Variants in ZNF407 observed in about 807,000 individuals in gnomAD.
The protein encoded by ZNF407 is zinc finger protein 407.
A neutral mutation model predicts 131.2 loss-of-function variants in ZNF407; 17 were observed. The ratio of observed to expected loss-of-function variants is 0.13; its 90% CI spans 0.09 to 0.19. The LOEUF is 0.19. Among genes scored for constraint, ZNF407 ranks in the 10% least tolerant of loss-of-function variants. ZNF407 has a pLI of 1.00. For synonymous variants in ZNF407, 1,156 were observed against 1,062.0 expected (o/e 1.09, Z -1.72); for missense variants, 2,681 against 2,830.6 (o/e 0.95, Z 1.20).
At chr18:74,604,883 CCCATCA>C (rs1982734970) in intron 1 of ZNF407, among the ~76,000 whole-genome samples, 2 of 152,068 alleles carry the variant, frequency 1.3e-5, no homozygotes, top group African/African-American at 4.8e-5. Context: ...GCATGGTGTC[CCCATCA>C]GATATTTATA....
In ZNF407 at chr18:74,920,647, C is replaced by G. The variant is rs780860922; in HGVS notation, c.5383C>G (p.Gln1795Glu). 2 of 1,610,270 alleles carry G rather than the reference C, an allele frequency of 1.2e-6. No individual in the cohort carries two copies. Among genetic ancestry groups the G allele is most frequent in the Non-Finnish European group, 1.7e-6 (2 of 1,176,836 alleles). The change falls in exon 8 of 9, where the codon CAG (glutamine) becomes GAG (glutamate). Residue 1795 changes from glutamine (Q) to glutamate (E), a missense_variant. Coordinates refer to ENST00000299687, the MANE Select transcript of ZNF407 (RefSeq NM_017757.3). ...GGAGTTCCGGAACCATTTGAAGGAACAGCATCCTGACATCGAAAACCCGGA... is the reference window on the plus strand; with the variant it reads ...GGAGTTCCGGAACCATTTGAAGGAAGAGCATCCTGACATCGAAAACCCGGA... ...PVEFRNHLKE[Q>E]HPDIENPDLA...
At chr18:74,869,069 G>A (rs1971051984) in intron 4 of ZNF407, among the ~76,000 whole-genome samples, 1 of 152,186 alleles carries the variant, frequency 6.6e-6, no homozygotes, top group African/African-American at 2.4e-5. Context: ...TCCAAAGATT[G>A]AAATTAAGGC....
At chr18:74,705,733 AAAC>A (rs1180831888) in intron 3 of ZNF407, among the ~76,000 whole-genome samples, 4 of 152,190 alleles carry the variant, frequency 2.6e-5, no homozygotes, top group Non-Finnish European at 1.5e-5. Flanking sequence ...TGTAAATAGA[AAAC>A]AAATACTGGA....
At chr18:74,870,143 T>C (rs1453583250) in intron 4 of ZNF407, among the ~76,000 whole-genome samples, 2 of 152,204 alleles carry the variant, frequency 1.3e-5, no homozygotes, top group Non-Finnish European at 2.9e-5. Context: ...TGCTTAATGC[T>C]CCTCCCAGAA....
chr18:74,813,793 T>C (rs1970231845), intron 4 of ZNF407, among the ~76,000 whole-genome samples: 1 of 152,198 alleles, frequency 6.6e-6, no homozygotes, highest in Non-Finnish European at 1.5e-5. Context: ...GTGGTTGTAA[T>C]TAATGCCCCC....
chr18:74,620,527 A>G (rs1983468428), intron 1 of ZNF407, among the ~76,000 whole-genome samples: 1 of 44,682 alleles, frequency 2.2e-5, no homozygotes, highest in Non-Finnish European at 6.2e-5. Context: ...TGTTTGAAAT[A>G]TAACATGTGT....
chr18:75,047,943 A>G (rs1245069732), intron 8 of ZNF407, among the ~76,000 whole-genome samples: 3 of 152,244 alleles, frequency 2.0e-5, no homozygotes, highest in African/African-American at 7.2e-5. Context: ...AGGTAAACAC[A>G]TGAATGTCTG....
At chr18:74,879,853 G>A (rs527803218) in intron 5 of ZNF407, among the ~76,000 whole-genome samples, 2 of 152,242 alleles carry the variant, frequency 1.3e-5, no homozygotes, top group Admixed American at 1.3e-4. Context: ...ATAAAGGGAA[G>A]ACTCTTTTGA....
intron 3 of ZNF407, among the ~76,000 whole-genome samples, chr18:74,659,957 C>A (rs1985641709): frequency 6.6e-6 from 1 of 151,962 alleles, no homozygotes; most frequent in South Asian, 2.1e-4. Flanking sequence ...TTTGTCAGGA[C>A]ACCGGGCAAA....
intron 4 of ZNF407, among the ~76,000 whole-genome samples, chr18:74,843,322 C>T (rs189044361): frequency 2.7e-3 from 415 of 151,988 alleles, no homozygotes; most frequent in Non-Finnish European, 3.9e-3. Context: ...ATTTCTAGAT[C>T]GTTTATATTT....
At chr18:74,851,153 T>C (rs1377070554) in intron 4 of ZNF407, among the ~76,000 whole-genome samples, 6 of 152,234 alleles carry the variant, frequency 3.9e-5, no homozygotes, top group Non-Finnish European at 2.9e-5. Context: ...AGCAGTGATA[T>C]CGTAATAGGA....
chr18:74,699,204 C>T (rs1378332131), intron 3 of ZNF407, among the ~76,000 whole-genome samples: 2 of 152,160 alleles, frequency 1.3e-5, no homozygotes, highest in African/African-American at 4.8e-5. Flanking sequence ...TATTTCATTG[C>T]AAAGATAAGA....
chr18:74,615,995 C>A (rs374782498), intron 1 of ZNF407, among the ~76,000 whole-genome samples: 4 of 152,064 alleles, frequency 2.6e-5, no homozygotes, highest in African/African-American at 9.7e-5. Context: ...TCCCTAGTAG[C>A]TGGGATTACA....
rs1973674886 is a variant in ZNF407, at chr18:75,063,908, T to C, written c.6187T>C (p.Ser2063Pro). 1 of 1,613,280 alleles carries C rather than the reference T, an allele frequency of 6.2e-7. No homozygotes were observed. Among genetic ancestry groups the C allele is most frequent in the African/African-American group, 1.3e-5 (1 of 74,848 alleles). The change falls in exon 9 of 9, where the codon TCA (serine) becomes CCA (proline). Residue 2063 changes from serine to proline, a missense_variant. Ser to Pro is a moderately conservative substitution (Grantham distance 74). This residue lies in a region of ZNF407 where 620 missense variants were observed against 583.1 expected (regional missense o/e 1.06). Transcript: ENST00000299687. This position sits in a 1 kb window ranked among gnomAD's most constrained non-coding sequence, Gnocchi z 6.6. ...GGTGCTCACCCAGGTGGTCCATCCCTCAGCAGCCATGGCCTCTCAGGAGCG... is the reference window on the plus strand; with the variant it reads ...GGTGCTCACCCAGGTGGTCCATCCCCCAGCAGCCATGGCCTCTCAGGAGCG... ...VEVLTQVVHP[S>P]AAMASQERAQ...
At chr18:75,060,430 G>A (rs373341749) in intron 8 of ZNF407, 1 of 152,130 alleles carries the variant, frequency 6.6e-6, no homozygotes, top group African/African-American at 2.4e-5. Context: ...GACGCAGAGC[G>A]AGTACACAGG....
At chr18:75,023,326 T>G (rs1258123671) in intron 8 of ZNF407, among the ~76,000 whole-genome samples, 1 of 152,176 alleles carries the variant, frequency 6.6e-6, no homozygotes, top group Admixed American at 6.5e-5. Flanking sequence ...TGTCATATAT[T>G]AATAAAAAGC....
intron 4 of ZNF407, among the ~76,000 whole-genome samples, chr18:74,806,683 A>G (rs1445574081): frequency 6.6e-6 from 1 of 152,170 alleles, no homozygotes; most frequent in African/African-American, 2.4e-5. Context: ...AAATCCTGTC[A>G]CCTCCATTTT....
intron 7 of ZNF407, among the ~76,000 whole-genome samples, chr18:74,915,637 T>TGTGC (rs1197889737): frequency 8.1e-6 from 1 of 123,586 alleles, no homozygotes; most frequent in African/African-American, 3.2e-5. Context: ...TGTGTGTGTG[T>TGTGC]GCGTGCATGT....
At chr18:74,888,027 G>A (rs1971334454) in intron 6 of ZNF407, among the ~76,000 whole-genome samples, 1 of 152,064 alleles carries the variant, frequency 6.6e-6, no homozygotes, top group Admixed American at 6.5e-5. Context: ...GGACAGATAC[G>A]GTTTTGTTGA....
Sources: gnomAD v4.1 joint callset for allele counts (sites outside exome capture counted in the v4.1 genomes callset) on GRCh38, gnomAD v4.1.1 for gene constraint, gnomAD v4.1.1 regional missense constraint, Gnocchi (gnomAD v3.1) non-coding constraint, MANE v1.5 for transcripts, NCBI Gene and HGNC (gene_info 2026-07-23, HGNC 2026-07-21) for gene names.